ITGA9: variants seen among roughly 807,000 people sequenced by gnomAD.
ITGA9 encodes integrin alpha-9.
A neutral mutation model predicts 127.8 loss-of-function variants in ITGA9; 56 were observed. The observed-to-expected ratio is 0.44, with a 90% confidence interval of 0.35 to 0.55. The LOEUF is 0.55. Ranked by LOEUF, ITGA9 falls within the 20% of genes least tolerant of loss-of-function variation. The probability of loss-of-function intolerance (pLI) is 0.00; values close to 1 mark genes in which losing one functional copy is unlikely to be tolerated. For missense variants in ITGA9, 1,196 were observed against 1,347.1 expected (o/e 0.89, Z 1.76); for synonymous variants, 508 against 514.5 (o/e 0.99, Z 0.17).
intron 1 of ITGA9, among the ~76,000 whole-genome samples, chr3:37,462,786 C>T (rs747137885): frequency 2.8e-4 from 42 of 152,210 alleles, no homozygotes; most frequent in Non-Finnish European, 4.9e-4. Context: ...ATCAGGCCAT[C>T]CTGGGGTGCA....
chr3:37,463,110 C>T (rs981396908), intron 1 of ITGA9, among the ~76,000 whole-genome samples: 2 of 152,142 alleles, frequency 1.3e-5, no homozygotes, highest in African/African-American at 4.8e-5. Context: ...GCTAGAGGAG[C>T]CATAGCAATA....
At chr3:37,542,606 T>C (rs1414537489) in intron 15 of ITGA9, 21 bp downstream of exon 15, 3 of 1,613,624 alleles carry the variant, frequency 1.9e-6, no homozygotes, top group Admixed American at 3.3e-5. Flanking sequence ...TCCTCCTTTT[T>C]ATCCTCAAAC....
At position 37,785,054 on chromosome 3, in the gene ITGA9, T is replaced by G. The variant is rs1265391964; in HGVS notation, c.2865T>G (p.Ala955=). The change falls in exon 26 of 28, where the codon GCT becomes GCG. Residue 955 remains alanine (A), a synonymous_variant. Transcript: ENST00000264741. ...CTGCCCTAAGGGTGGTGGAAATAGCTCATGGGAACCCAGAAGAGGTGACGG... is the reference window on the plus strand; with the variant it reads ...CTGCCCTAAGGGTGGTGGAAATAGCGCATGGGAACCCAGAAGAGGTGACGG... The part of the protein sequence containing the change: ...VDPALRVVEI[A]HGNPEEVTVV... 6.2e-7 allele frequency: 1 copy of G among 1,613,878 alleles called. No individual in the cohort carries two copies. The highest frequency in any genetic ancestry group is 1.1e-5 in the South Asian group (1 of 91,062).
At position 37,786,927 on chromosome 3, in the gene ITGA9, G is replaced by T. The variant is rs552779296; in HGVS notation, c.2889+1849G>T. ...ACTGGTGCAATCATGGCTCACTGCA[G>T]CCTCCACCTGTTGGCTCAGGCCAGG... On this transcript the variant is annotated intron_variant, in intron 26 of 27. Coordinates refer to ENST00000264741, the MANE Select transcript of ITGA9 (RefSeq NM_002207.3). 2.6e-5 allele frequency among the ~76,000 whole-genome samples: 4 copies of T among 152,302 alleles called. 1 individual carries two copies. Among genetic ancestry groups the T allele is most frequent in the African/African-American group, 9.6e-5 (4 of 41,576 alleles).
At chr3:37,590,002 T>C (rs906232224) in intron 15 of ITGA9, among the ~76,000 whole-genome samples, 4 of 152,146 alleles carry the variant, frequency 2.6e-5, no homozygotes, top group African/African-American at 9.7e-5. Flanking sequence ...CACACCCCTC[T>C]CTACCTGCAG....
At chr3:37,559,068 A>C (rs1245620769) in intron 15 of ITGA9, among the ~76,000 whole-genome samples, 2 of 152,192 alleles carry the variant, frequency 1.3e-5, no homozygotes, top group East Asian at 3.8e-4. Flanking sequence ...GGCATTCAAC[A>C]CTGTCACCCT....
chr3:37,741,318 G>T (rs1452504436), intron 20 of ITGA9, among the ~76,000 whole-genome samples: 1 of 150,404 alleles, frequency 6.6e-6, no homozygotes, highest in Non-Finnish European at 1.5e-5. Flanking sequence ...GCTCTCAGGA[G>T]TCAGTGGATA....
intron 14 of ITGA9, 110 bp from the exon 15 acceptor site, chr3:37,542,315 A>C: frequency 8.7e-7 from 1 of 1,152,414 alleles, no homozygotes; most frequent in Non-Finnish European, 1.3e-6. Context: ...CTGCCATGGA[A>C]GGGTAGGTAT....
At chr3:37,722,991 C>CT (rs987405916) in intron 18 of ITGA9, among the ~76,000 whole-genome samples, 1 of 152,114 alleles carries the variant, frequency 6.6e-6, no homozygotes, top group Non-Finnish European at 1.5e-5. Flanking sequence ...TATTGTTTGT[C>CT]TTTTTGATTG....
intron 23 of ITGA9, among the ~76,000 whole-genome samples, chr3:37,767,220 C>A (rs1696790192): frequency 6.6e-6 from 1 of 152,194 alleles, no homozygotes; most frequent in African/African-American, 2.4e-5. Context: ...CAGCCTCATA[C>A]AGAGGCTGTG....
chr3:37,810,819 C>A lies in ITGA9; in HGVS notation c.3009+6877C>A, dbSNP rs1035056426. Among the ~76,000 whole-genome samples, 5 of 152,238 alleles carry A rather than the reference C, an allele frequency of 3.3e-5. 1 individual carries two copies. The South Asian group carries it at 1.0e-3, about 31-fold the overall frequency. On this transcript the variant is annotated intron_variant, in intron 27 of 27. Transcript: ENST00000264741. The stretch of plus-strand genomic sequence containing the variant: ...TTGGCCTGTGCCACCAGCCCCTGGC[C>A]CCACCTACGCATGCACTGTGGTGCT...
intron 15 of ITGA9, among the ~76,000 whole-genome samples, chr3:37,576,983 T>C (rs748873578): frequency 2.0e-5 from 3 of 152,250 alleles, no homozygotes; most frequent in Non-Finnish European, 4.4e-5. Context: ...TTCACAGTCA[T>C]GTGTGGCTAG....
At chr3:37,687,423 G>A (rs770293273) in intron 18 of ITGA9, among the ~76,000 whole-genome samples, 2 of 152,110 alleles carry the variant, frequency 1.3e-5, no homozygotes, top group African/African-American at 2.4e-5. Flanking sequence ...GGTAGAAACT[G>A]GAAAACAGCA....
intron 26 of ITGA9, among the ~76,000 whole-genome samples, chr3:37,793,594 G>T (rs1003006666): frequency 6.6e-6 from 1 of 152,110 alleles, no homozygotes; most frequent in East Asian, 1.9e-4. Context: ...TCAAGATGAA[G>T]TCAGATGGTG....
Position 37,765,814 on chromosome 3 carries a change from G to A in ITGA9, c.2542-11578G>A, listed in dbSNP as rs1256148528. The stretch of plus-strand genomic sequence containing the variant: ...TGGCCAGAGAGAATAAATCAAGCCA[G>A]CAGTGCTGTCTCCCTGCTGACTGAA... On this transcript the variant is annotated intron_variant, in intron 23 of 27. Transcript: ENST00000264741. 2.6e-5 allele frequency among the ~76,000 whole-genome samples: 4 copies of A among 152,246 alleles called. No homozygotes were observed. In the East Asian group the frequency reaches 7.7e-4, roughly 29 times the overall value.
chr3:37,684,579 G>GATCCTCCCACCTC (rs1559567027), intron 18 of ITGA9, among the ~76,000 whole-genome samples: 2 of 152,160 alleles, frequency 1.3e-5, no homozygotes, highest in African/African-American at 4.8e-5. Context: ...GAGTTCAAGT[G>GATCCTCCCACCTC]ATCCTCCCAC....
chr3:37,557,443 C>G (rs1263915015), intron 15 of ITGA9, among the ~76,000 whole-genome samples: 1 of 152,154 alleles, frequency 6.6e-6, no homozygotes, highest in Non-Finnish European at 1.5e-5. Flanking sequence ...GAAACCCACC[C>G]CTTCGAAGCA....
At chr3:37,610,662 T>C (rs768563244) in intron 15 of ITGA9, among the ~76,000 whole-genome samples, 33 of 152,194 alleles carry the variant, frequency 2.2e-4, no homozygotes, top group Admixed American at 2.0e-3. Context: ...GTCATGCACA[T>C]TGGTGATCAA....
chr3:37,716,601 A>C (rs1475762003), intron 18 of ITGA9, among the ~76,000 whole-genome samples: 1 of 147,434 alleles, frequency 6.8e-6, no homozygotes, highest in African/African-American at 2.5e-5. Flanking sequence ...ATATTCCAAC[A>C]AGTTCAGAAC....
Sources: gnomAD v4.1 joint callset for allele counts (sites outside exome capture counted in the v4.1 genomes callset) on GRCh38, gnomAD v4.1.1 for gene constraint, MANE v1.5 for transcripts, NCBI Gene and HGNC (gene_info 2026-07-23, HGNC 2026-07-21) for gene names.